Variants in CTNNA3 observed in about 807,000 individuals in gnomAD.
The protein encoded by CTNNA3 is catenin alpha-3.
Under a neutral mutation model 95.7 loss-of-function variants are expected in CTNNA3, and 76 were observed. That is an observed-to-expected ratio of 0.79 (90% CI 0.66 to 0.96). The LOEUF (loss-of-function observed/expected upper bound fraction) is 0.96. Among genes scored for constraint, CTNNA3 ranks in the 40% least tolerant of loss-of-function variants. The probability of loss-of-function intolerance (pLI) is 0.00; values close to 1 mark genes in which losing one functional copy is unlikely to be tolerated. For missense variants in CTNNA3, 1,191 were observed against 1,089.8 expected (o/e 1.09, Z -1.31); for synonymous variants, 431 against 374.4 (o/e 1.15, Z -1.74).
chr10:66,839,766 A>G (rs183899446), intron 7 of CTNNA3, among the ~76,000 whole-genome samples: 140 of 152,296 alleles, frequency 9.2e-4, no homozygotes, highest in South Asian at 2.1e-3. Flanking sequence ...TGGACAGAAA[A>G]AGAGAACAAA....
At chr10:66,536,993 T>C (rs1841682022) in intron 10 of CTNNA3, among the ~76,000 whole-genome samples, 1 of 151,380 alleles carries the variant, frequency 6.6e-6, no homozygotes, top group Non-Finnish European at 1.5e-5. Context: ...TGAAATAGCA[T>C]AAAAAGTCCG....
intron 4 of CTNNA3, among the ~76,000 whole-genome samples, chr10:67,529,187 G>A (rs1005011079): frequency 2.0e-5 from 3 of 151,928 alleles, no homozygotes; most frequent in Non-Finnish European, 4.4e-5. Context: ...GATGGTTAAT[G>A]GATATAAAAA....
chr10:65,978,456 T>C (rs1209736572), intron 16 of CTNNA3, among the ~76,000 whole-genome samples: 1 of 151,220 alleles, frequency 6.6e-6, no homozygotes, highest in Non-Finnish European at 1.5e-5. Flanking sequence ...GCACGTGTTG[T>C]TGTTCTCAGC....
intron 7 of CTNNA3, among the ~76,000 whole-genome samples, chr10:67,143,319 G>A (rs1027546211): frequency 2.7e-5 from 4 of 150,574 alleles, no homozygotes; most frequent in African/African-American, 7.3e-5. Context: ...CTACTCGAGA[G>A]GCTGGGACAG....
chr10:67,136,770 C>T (rs1371564689), intron 7 of CTNNA3, among the ~76,000 whole-genome samples: 2 of 152,152 alleles, frequency 1.3e-5, no homozygotes, highest in African/African-American at 4.8e-5. Context: ...CACAAGAAAT[C>T]TTGCCAGGGT....
At chr10:66,332,261 G>A (rs12766321) in intron 12 of CTNNA3, among the ~76,000 whole-genome samples, 24,971 of 151,666 alleles carry the variant, frequency 0.16, 2,318 homozygotes, top group South Asian at 0.31. Flanking sequence ...TGATTGCCCT[G>A]GCCAGAGCTC....
At chr10:66,825,156 T>C (rs1209555776) in intron 7 of CTNNA3, among the ~76,000 whole-genome samples, 2 of 150,118 alleles carry the variant, frequency 1.3e-5, no homozygotes, top group African/African-American at 2.4e-5. Context: ...CTTAGAACAA[T>C]GCTTGACATA....
intron 9 of CTNNA3, among the ~76,000 whole-genome samples, chr10:66,762,689 T>G (rs1589226505): frequency 6.6e-6 from 1 of 152,024 alleles, no homozygotes; most frequent in Non-Finnish European, 1.5e-5. Flanking sequence ...TCCCCAGAAC[T>G]TCTTGTTTTT....
chr10:66,609,277 G>A (rs1278787836), intron 10 of CTNNA3, among the ~76,000 whole-genome samples: 2 of 150,182 alleles, frequency 1.3e-5, no homozygotes, highest in South Asian at 2.1e-4. Context: ...TGGCCAGGCT[G>A]ATCTTGAACT....
intron 5 of CTNNA3, among the ~76,000 whole-genome samples, chr10:67,354,087 C>T (rs1387034158): frequency 1.3e-5 from 2 of 152,042 alleles, no homozygotes; most frequent in Non-Finnish European, 2.9e-5. Context: ...CTAAAACAAA[C>T]ATTTCTCATT....
chr10:66,751,981 T>C (rs182543624), intron 9 of CTNNA3, among the ~76,000 whole-genome samples: 1 of 152,238 alleles, frequency 6.6e-6, no homozygotes, highest in Admixed American at 6.5e-5. Context: ...ATATACCATG[T>C]TTGTGGATTG....
intron 3 of CTNNA3, among the ~76,000 whole-genome samples, chr10:67,560,089 C>T (rs1246770431): frequency 1.3e-5 from 2 of 151,962 alleles, no homozygotes; most frequent in African/African-American, 4.8e-5. Flanking sequence ...GAGAACTTCC[C>T]CAATCTAGCA....
chr10:66,508,948 T>G (rs1025067680), intron 11 of CTNNA3, among the ~76,000 whole-genome samples: 9 of 152,128 alleles, frequency 5.9e-5, no homozygotes, highest in African/African-American at 2.2e-4. Context: ...TGCAGTTTTT[T>G]GAGGAACCTC....
At chr10:66,110,379 A>C (rs1480091394) in intron 13 of CTNNA3, among the ~76,000 whole-genome samples, 1 of 151,738 alleles carries the variant, frequency 6.6e-6, no homozygotes, top group Non-Finnish European at 1.5e-5. Context: ...AAAAAAAAAA[A>C]AAATTCAAAT....
At chr10:66,693,964 G>A (rs1279191510) in intron 9 of CTNNA3, among the ~76,000 whole-genome samples, 1 of 151,986 alleles carries the variant, frequency 6.6e-6, no homozygotes, top group Non-Finnish European at 1.5e-5. Context: ...TCAAAGCAGT[G>A]TGTAGAGGGA....
chr10:66,038,806 TAGA>T (rs1289486786), intron 15 of CTNNA3, among the ~76,000 whole-genome samples: 1 of 152,166 alleles, frequency 6.6e-6, no homozygotes, highest in Non-Finnish European at 1.5e-5. Flanking sequence ...GGACAAAAGC[TAGA>T]AGCATTCCCC....
At chr10:66,184,884 T>C (rs2086248533) in intron 13 of CTNNA3, among the ~76,000 whole-genome samples, 1 of 152,226 alleles carries the variant, frequency 6.6e-6, no homozygotes, top group Non-Finnish European at 1.5e-5. Context: ...CACCTTTATT[T>C]ATCTCTTTAC....
At chr10:67,417,288 A>T (rs951549757) in intron 5 of CTNNA3, among the ~76,000 whole-genome samples, 2 of 151,976 alleles carry the variant, frequency 1.3e-5, no homozygotes, top group African/African-American at 4.8e-5. Flanking sequence ...GACATTGTGG[A>T]CTCCAAGAGG....
intron 13 of CTNNA3, among the ~76,000 whole-genome samples, chr10:66,189,872 T>A (rs1244777453): frequency 6.6e-6 from 1 of 152,002 alleles, no homozygotes; most frequent in Non-Finnish European, 1.5e-5. Context: ...TGAGTAATTC[T>A]CTAATTTTTT....
Sources: gnomAD v4.1 joint callset for allele counts (sites outside exome capture counted in the v4.1 genomes callset) on GRCh38, gnomAD v4.1.1 for gene constraint, MANE v1.5 for transcripts, NCBI Gene and HGNC (gene_info 2026-07-23, HGNC 2026-07-21) for gene names.